SLC16A11: variants seen among roughly 807,000 people sequenced by gnomAD.
SLC16A11 encodes monocarboxylate transporter 11.
In SLC16A11, 24 loss-of-function variants were observed where a neutral mutation model predicts 26.0. The observed-to-expected ratio is 0.92, with a 90% CI of 0.67 to 1.30. The LOEUF (loss-of-function observed/expected upper bound fraction) is 1.30. SLC16A11 is among the 50% of genes most tolerant of loss of function. The pLI, the probability that SLC16A11 is intolerant of heterozygous loss-of-function variation, is 0.00. For synonymous variants in SLC16A11, 332 were observed against 296.0 expected, an observed-to-expected ratio of 1.12 and a Z score of -1.25; for missense variants, 638 against 597.7, an observed-to-expected ratio of 1.07 and a Z score of -0.70.
chr17:7,043,055 A>G lies in SLC16A11; in HGVS notation c.221T>C (p.Leu74Pro). 6.4e-7 allele frequency: 1 copy of G among 1,559,750 alleles called. No homozygotes were observed. Among genetic ancestry groups the G allele is most frequent in the Non-Finnish European group, 8.7e-7 (1 of 1,152,246 alleles). The change falls in exon 3 of 5, where the codon CTG (leucine) becomes CCG (proline). Residue 74 changes from leucine (L) to proline (P), a missense_variant. Leu to Pro is a moderately conservative substitution (Grantham distance 98, BLOSUM62 -3). Coordinates refer to ENST00000574600, the MANE Select transcript of SLC16A11 (RefSeq NM_001370549.1). ...GGGGCGGGCCCCCCAGCGCGTGCTC[A>G]GGGCGCTGCCCACGGGGCCTGAAAG... ...QQAASPVGSA[L>P]STRWGARPVV...
In SLC16A11 at chr17:7,041,731, G is replaced by A; in HGVS notation, c.1292C>T (p.Ala431Val). ...AGGGCCTCCTGGGGACAGCAAGACT[G>A]CCTGGGGAGCGGGAAGCAGCTCCCC... ...ETGELLPAPQ[A>V]VLLSPGGPGS... The change falls in exon 5 of 5, where the codon GCA becomes GTA. Residue 431 changes from alanine (A) to valine (V), a missense_variant. Physicochemically the swap from Ala to Val is moderately conservative, Grantham distance 64. Transcript: ENST00000574600. 1 of 1,613,246 alleles carries A rather than the reference G, an allele frequency of 6.2e-7. No homozygotes were observed. Among genetic ancestry groups the A allele is most frequent in the Non-Finnish European group, 8.5e-7 (1 of 1,179,860 alleles).
Position 7,041,623 on chromosome 17 carries a change from T to G in SLC16A11, c.*56A>C, listed in dbSNP as rs1247580803. The G allele has an allele frequency of 1.4e-6, 2 of 1,477,210 alleles. No homozygotes were observed. The highest frequency in any genetic ancestry group is 1.8e-6 in the Non-Finnish European group (2 of 1,096,202). 91.5% of individuals were successfully genotyped at this position (1,477,210 alleles called of 1,614,324 possible). On this transcript the variant is annotated 3_prime_UTR_variant, in exon 5 of 5. Coordinates refer to ENST00000574600, the MANE Select transcript of SLC16A11 (RefSeq NM_001370549.1). ...CTAGATTGGTGAACAGTTGGAGGTT[T>G]CAGGAAAACCCGATAAAAATTCTTT...
Position 7,042,450 on chromosome 17 carries a change from G to A in SLC16A11, c.660C>T (p.Phe220=). The A allele has an allele frequency of 6.4e-7, 1 of 1,556,722 alleles. No homozygotes were observed. The highest frequency in any genetic ancestry group is 8.7e-7 in the Non-Finnish European group (1 of 1,149,862). ...LGLSLFTRRA[F]SIFALGTALV... is the part of the protein sequence containing the mutation. ...GGGCTGTGCCTAGAGCAAAGATTGA[G>A]AAGGCCCGGCGTGTGAACAGACTCA... The change falls in exon 4 of 5, where the codon TTC becomes TTT. Residue 220 remains phenylalanine (F), a synonymous_variant. Coordinates refer to ENST00000574600, the MANE Select transcript of SLC16A11 (RefSeq NM_001370549.1). The surrounding 1 kb of genome is among the most constrained non-coding windows in gnomAD (Gnocchi z 5.9).
chr17:7,042,900 T>A lies in SLC16A11; in HGVS notation c.346+30A>T. 3 of 1,612,182 alleles carry A rather than the reference T, an allele frequency of 1.9e-6. No homozygotes were observed. Among genetic ancestry groups the A allele is most frequent in the Non-Finnish European group, 1.7e-6 (2 of 1,179,606 alleles). On this transcript the variant is annotated intron_variant, in intron 3 of 4. Transcript: ENST00000574600. The surrounding 1 kb of genome is among the most constrained non-coding windows in gnomAD (Gnocchi z 5.9). ...CAAGCTCCTGTCACCTCCTTCACCC[T>A]GAATGACCCGGGCATCCCACTTCCC...
At chr17:7,043,239 A>G (rs2151671880) in intron 2 of SLC16A11, 73 bp downstream of exon 2, 2 of 1,528,100 alleles carry the variant, frequency 1.3e-6, no homozygotes, top group South Asian at 2.5e-5. Context: ...TCGGGTAATC[A>G]GGTGGGTCTC....
Position 7,043,767 on chromosome 17 carries a change from C to T in SLC16A11, c.-7+8G>A, listed in dbSNP as rs539858125. 37 of 641,502 alleles carry T rather than the reference C, an allele frequency of 5.8e-5. No homozygotes were observed. In the East Asian group the frequency reaches 6.0e-4, roughly 10 times the overall value. 39.7% of individuals were successfully genotyped at this position (641,502 alleles called of 1,614,324 possible). ...TTCCCCGTCCCACGCACACTCCTTC[C>T]CCCTTACCCGACCTCTCCGGGCGGT... On this transcript the variant is annotated splice_region_variant and intron_variant, in intron 1 of 4. Coordinates refer to ENST00000574600, the MANE Select transcript of SLC16A11 (RefSeq NM_001370549.1).
chr17:7,041,933 A>G, intron 4 of SLC16A11, 25 bp from the exon 5 acceptor site: 1 of 1,610,984 alleles, frequency 6.2e-7, no homozygotes, highest in Non-Finnish European at 8.5e-7. Flanking sequence ...AAGGGCATTT[A>G]GAAGCCTCGA....
In SLC16A11 at chr17:7,042,910, G is replaced by T. The variant is rs377061712; in HGVS notation, c.346+20C>A. 92 of 1,612,488 alleles carry T rather than the reference G, an allele frequency of 5.7e-5. No individual in the cohort carries two copies. Among genetic ancestry groups the T allele is most frequent in the Non-Finnish European group, 7.5e-5 (88 of 1,179,752 alleles). On this transcript the variant is annotated intron_variant, in intron 3 of 4. Transcript: ENST00000574600. The surrounding 1 kb of genome is among the most constrained non-coding windows in gnomAD (Gnocchi z 5.9). Reference sequence around the variant, plus strand: ...TCACCTCCTTCACCCTGAATGACCCGGGCATCCCACTTCCCTCACCAGCGA... The same window carrying T: ...TCACCTCCTTCACCCTGAATGACCCTGGCATCCCACTTCCCTCACCAGCGA...
In SLC16A11 at chr17:7,042,556, G is replaced by A. The variant is rs368694318; in HGVS notation, c.554C>T (p.Pro185Leu). Residue 185 changes from proline to leucine, a missense_variant, in exon 4 of 5, where the codon CCC becomes CTC. Transcript: ENST00000574600. The surrounding 1 kb of genome is among the most constrained non-coding windows in gnomAD (Gnocchi z 5.9). ...LLGAITLHLT[P>L]CGALLLPLVL... ...CAGGGGTAGCAGCAGGGCGCCACAGGGGGTGAGGTGGAGGGTGATCGCGCC... is the reference window on the plus strand; with the variant it reads ...CAGGGGTAGCAGCAGGGCGCCACAGAGGGTGAGGTGGAGGGTGATCGCGCC... The A allele has an allele frequency of 2.2e-5, 35 of 1,580,294 alleles. No homozygotes were observed. Among genetic ancestry groups the A allele is most frequent in the Non-Finnish European group, 2.8e-5 (33 of 1,165,170 alleles).
chr17:7,043,334 G>T lies in SLC16A11; in HGVS notation c.180C>A (p.Ala60=), dbSNP rs755921510. The change falls in exon 2 of 5, where the codon GCC becomes GCA. Residue 60 remains alanine (A), a synonymous_variant. Coordinates refer to ENST00000574600, the MANE Select transcript of SLC16A11 (RefSeq NM_001370549.1). ...AQDTAWISAL[A]LAVQQAASPV... is the part of the protein sequence containing the mutation. ...CACTGGCTGCCTGCTGCACGGCCAG[G>T]GCCAGGGCGCTGATCCACGCAGTGT... 1.5e-5 allele frequency: 24 copies of T among 1,609,462 alleles called. No individual in the cohort carries two copies. Among genetic ancestry groups the T allele is most frequent in the Middle Eastern group, 1.9e-4 (1 of 5,362 alleles).
rs1200032327 is a variant in SLC16A11 at position 7,042,159 on chromosome 17, G to A, written c.951C>T (p.Pro317=). Residue 317 remains proline, a synonymous_variant, in exon 4 of 5, where the codon CCC becomes CCT. Coordinates refer to ENST00000574600, the MANE Select transcript of SLC16A11 (RefSeq NM_001370549.1). This position sits in a 1 kb window ranked among gnomAD's most constrained non-coding sequence, Gnocchi z 5.9. ...CATAGGCCACAGCCGCGGCCAGCAG[G>A]GGACCCCCCCAGCTCTCTTCGCCGC... is the stretch of plus-strand genomic sequence containing the variant. ...VVGGEESWGG[P]LLAAAVAYGL... The A allele has an allele frequency of 6.3e-7, 1 of 1,577,842 alleles. No individual in the cohort carries two copies. Among genetic ancestry groups the A allele is most frequent in the East Asian group, 2.3e-5 (1 of 42,592 alleles).
chr17:7,041,942 G>A (rs1291254263), intron 4 of SLC16A11, 34 bp from the exon 5 acceptor site: 1 of 1,609,074 alleles, frequency 6.2e-7, no homozygotes, highest in Admixed American at 1.7e-5. Context: ...TAGAAGCCTC[G>A]AACCCCAGGG....
In SLC16A11 at chr17:7,042,576, C is replaced by A; in HGVS notation, c.534G>T (p.Ala178=). Reference sequence around the variant, plus strand: ...CACAGGGGGTGAGGTGGAGGGTGATCGCGCCGAGGAGGAGCAGAGCGCCCC... The same window carrying A: ...CACAGGGGGTGAGGTGGAGGGTGATAGCGCCGAGGAGGAGCAGAGCGCCCC... The part of the protein sequence containing the change: ...GWRGALLLLG[A]ITLHLTPCGA... The change falls in exon 4 of 5, where the codon GCG becomes GCT. Residue 178 remains alanine (A), a synonymous_variant. Coordinates refer to ENST00000574600, the MANE Select transcript of SLC16A11 (RefSeq NM_001370549.1). This position sits in a 1 kb window ranked among gnomAD's most constrained non-coding sequence, Gnocchi z 5.9. 6.3e-7 allele frequency: 1 copy of A among 1,583,122 alleles called. No individual in the cohort carries two copies. Among genetic ancestry groups the A allele is most frequent in the South Asian group, 1.2e-5 (1 of 86,840 alleles).
intron 1 of SLC16A11, 31 bp from the exon 2 acceptor site, chr17:7,043,550 G>T (rs778214797): frequency 1.3e-6 from 2 of 1,577,298 alleles, no homozygotes; most frequent in Non-Finnish European, 1.7e-6. Flanking sequence ...TGTGAGAGAA[G>T]CCTCCACGCC....
rs1465712865 is a variant in SLC16A11 at position 7,041,823 on chromosome 17, T to C, written c.1200A>G (p.Ile400Met). The change falls in exon 5 of 5, where the codon ATA (isoleucine) becomes ATG (methionine). Residue 400 changes from isoleucine (I) to methionine (M), a missense_variant. Transcript: ENST00000574600. ...SLILSGSFIY[I>M]GLPRALPSCG... is the part of the protein sequence containing the mutation. ...AGGAGGGCAGCGCCCTGGGCAACCCTATGTAGATGAAGCTGCCGGAGAGGA... is the reference window on the plus strand; with the variant it reads ...AGGAGGGCAGCGCCCTGGGCAACCCCATGTAGATGAAGCTGCCGGAGAGGA... The C allele has an allele frequency of 2.5e-6, 4 of 1,613,792 alleles. No homozygotes were observed. Among genetic ancestry groups the C allele is most frequent in the South Asian group, 1.1e-5 (1 of 91,070 alleles).
At position 7,042,123 on chromosome 17, in the gene SLC16A11, C is replaced by G. The variant is rs551544503; in HGVS notation, c.987G>C (p.Ala329=). The stretch of plus-strand genomic sequence containing the variant: ...CGAAAACCAGCGGGGCGTAACTCCC[C>G]GCGCTCAGCCCATAGGCCACAGCCG... ...LAAAVAYGLS[A]GSYAPLVFGV... Residue 329 remains alanine, a synonymous_variant, in exon 4 of 5, where the codon GCG becomes GCC. Transcript: ENST00000574600. The surrounding 1 kb of genome is among the most constrained non-coding windows in gnomAD (Gnocchi z 5.9). 2 of 1,598,462 alleles carry G rather than the reference C, an allele frequency of 1.3e-6. No individual in the cohort carries two copies. The highest frequency in any genetic ancestry group is 3.4e-5 in the Admixed American group (2 of 58,626).
Position 7,041,635 on chromosome 17 carries a change from G to T in SLC16A11, c.*44C>A. On this transcript the variant is annotated 3_prime_UTR_variant, in exon 5 of 5. Transcript: ENST00000574600. Reference sequence around the variant, plus strand: ...ACAGTTGGAGGTTTCAGGAAAACCCGATAAAAATTCTTTATTGGGGGAGGG... The same window carrying T: ...ACAGTTGGAGGTTTCAGGAAAACCCTATAAAAATTCTTTATTGGGGGAGGG... The T allele has an allele frequency of 6.6e-7, 1 of 1,514,594 alleles. No individual in the cohort carries two copies. 93.8% of individuals were successfully genotyped at this position (1,514,594 alleles called of 1,614,324 possible). A position where few individuals can be genotyped will look rare whatever the true frequency, so the allele number is the denominator to read the frequency against.
Position 7,042,638 on chromosome 17 carries a change from G to T in SLC16A11, c.472C>A (p.Pro158Thr). 1 of 1,572,282 alleles carries T rather than the reference G, an allele frequency of 6.4e-7. No homozygotes were observed. The highest frequency in any genetic ancestry group is 1.2e-5 in the South Asian group (1 of 86,152). Reference protein sequence around the residue: ...GNGASSLLLAPALQLLLDTFG... With the variant: ...GNGASSLLLATALQLLLDTFG... ...GTATCGAGAAGAAGCTGCAAGGCGGGCGCCAGGAGCAGCGAGGAGGCCCCG... is the reference window on the plus strand; with the variant it reads ...GTATCGAGAAGAAGCTGCAAGGCGGTCGCCAGGAGCAGCGAGGAGGCCCCG... Residue 158 changes from proline to threonine, a missense_variant, in exon 4 of 5, where the codon CCC becomes ACC. Transcript: ENST00000574600. The surrounding 1 kb of genome is among the most constrained non-coding windows in gnomAD (Gnocchi z 5.9).
At position 7,042,627 on chromosome 17, in the gene SLC16A11, C is replaced by T. The variant is rs1238674902; in HGVS notation, c.483G>A (p.Gln161=). The T allele has an allele frequency of 4.4e-6, 7 of 1,578,440 alleles. No individual in the cohort carries two copies. The South Asian group carries it at 8.1e-5, about 18-fold the overall frequency. ...GCCAGCCGAAAGTATCGAGAAGAAG[C>T]TGCAAGGCGGGCGCCAGGAGCAGCG... ...ASSLLLAPAL[Q]LLLDTFGWRG... The change falls in exon 4 of 5, where the codon CAG becomes CAA. Residue 161 remains glutamine (Q), a synonymous_variant. Transcript: ENST00000574600. This position sits in a 1 kb window ranked among gnomAD's most constrained non-coding sequence, Gnocchi z 5.9.
Sources: allele counts gnomAD v4.1 joint callset, GRCh38; gene constraint gnomAD v4.1.1; non-coding constraint Gnocchi (gnomAD v3.1); transcripts MANE v1.5; gene names NCBI Gene and HGNC (gene_info 2026-07-23, HGNC 2026-07-21).